Variants in SKI observed in about 807,000 individuals in gnomAD.
The protein encoded by SKI is ski oncogene.
Under a neutral mutation model 59.3 loss-of-function variants are expected in SKI, and 23 were observed. The observed-to-expected ratio is 0.39, with a 90% CI of 0.28 to 0.55. The LOEUF (loss-of-function observed/expected upper bound fraction) is 0.55, where lower values mean the gene tolerates loss of function less well. Ranked by LOEUF, SKI falls within the 20% of genes least tolerant of loss-of-function variation. SKI has a pLI of 0.67. For missense variants in SKI, 1,017 were observed against 1,038.9 expected (o/e 0.98, Z 0.29); for synonymous variants, 673 against 488.6 (o/e 1.38, Z -4.98).
At chr1:2,279,260 G>C (rs565559345) in intron 1 of SKI, among the ~76,000 whole-genome samples, 1 of 152,326 alleles carries the variant, frequency 6.6e-6, no homozygotes, top group East Asian at 1.9e-4. Context: ...CCTGCTAGAC[G>C]CCCTGAGGAG....
chr1:2,302,912 C>T (rs973885746), intron 1 of SKI, 66 bp from the exon 2 acceptor site: 57 of 1,609,134 alleles, frequency 3.5e-5, no homozygotes, highest in East Asian at 2.0e-4. Context: ...GTGCCAGCCA[C>T]GGGGCTGGTG....
Position 2,229,788 on chromosome 1 carries a change from C to T in SKI, c.969+53C>T, listed in dbSNP as rs186753945. On this transcript the variant is annotated intron_variant, in intron 1 of 6. Coordinates refer to ENST00000378536, the MANE Select transcript of SKI (RefSeq NM_003036.4). This position sits in a 1 kb window ranked among gnomAD's most constrained non-coding sequence, Gnocchi z 6.3. The stretch of plus-strand genomic sequence containing the variant: ...GGAGGATGCGCTTGGGGTGGGGGCC[C>T]CTTCTGGACTACAGGCTCTGGTCTC... 2,833 of 1,549,338 alleles carry T rather than the reference C, an allele frequency of 1.8e-3. 43 individuals carry two copies. The African/African-American group carries it at 0.023, about 13-fold the overall frequency.
intron 1 of SKI, among the ~76,000 whole-genome samples, chr1:2,245,562 TC>T (rs1557817030): frequency 2.6e-5 from 4 of 152,174 alleles, no homozygotes; most frequent in East Asian, 1.9e-4. Context: ...AGCCTCCACC[TC>T]CTCCTGGGCT....
intron 1 of SKI, among the ~76,000 whole-genome samples, chr1:2,287,667 G>T (rs1018843802): frequency 1.3e-5 from 2 of 152,174 alleles, no homozygotes; most frequent in East Asian, 1.9e-4. Flanking sequence ...TCTGCCGCAG[G>T]GGGGGTGTGG....
chr1:2,290,742 G>T (rs1422609615), intron 1 of SKI, among the ~76,000 whole-genome samples: 3 of 152,218 alleles, frequency 2.0e-5, no homozygotes, highest in African/African-American at 7.2e-5. Flanking sequence ...GCTAGCGCTT[G>T]GGTGAGGGTT....
At chr1:2,274,949 T>C (rs1289048466) in intron 1 of SKI, among the ~76,000 whole-genome samples, 1 of 152,218 alleles carries the variant, frequency 6.6e-6, no homozygotes, top group Non-Finnish European at 1.5e-5. Context: ...GGGCCTTCGC[T>C]GTCCCTTGCT....
rs1344096411 is a variant in SKI, at chr1:2,306,570, C to T, written c.1999-7C>T. ...CAGGCGCCGCTGACCACTCGGCTCC[C>T]TTTCAGATCGAAGACCTGCAGGTGA... On this transcript the variant is annotated splice_polypyrimidine_tract_variant and splice_region_variant and intron_variant, in intron 6 of 6. Transcript: ENST00000378536. 23 of 1,541,132 alleles carry T rather than the reference C, an allele frequency of 1.5e-5. No homozygotes were observed. Among genetic ancestry groups the T allele is most frequent in the East Asian group, 2.5e-5 (1 of 40,676 alleles).
chr1:2,293,036 G>A (rs1394642100), intron 1 of SKI, among the ~76,000 whole-genome samples: 1 of 152,162 alleles, frequency 6.6e-6, no homozygotes, highest in East Asian at 1.9e-4. Context: ...TTCACTCCTG[G>A]GCAGGGTGCA....
intron 1 of SKI, among the ~76,000 whole-genome samples, chr1:2,294,009 A>G (rs1420923960): frequency 6.6e-6 from 1 of 152,048 alleles, no homozygotes; most frequent in Non-Finnish European, 1.5e-5. Context: ...GAGGCTCCCC[A>G]TGTTTTCTGA....
chr1:2,299,009 G>A (rs1640357860), intron 1 of SKI, among the ~76,000 whole-genome samples: 1 of 152,226 alleles, frequency 6.6e-6, no homozygotes, highest in African/African-American at 2.4e-5. Flanking sequence ...TGGATGCCGG[G>A]TGGTCGTGGA....
At chr1:2,293,994 C>T (rs1640228232) in intron 1 of SKI, among the ~76,000 whole-genome samples, 1 of 152,194 alleles carries the variant, frequency 6.6e-6, no homozygotes, top group Admixed American at 6.5e-5. Context: ...TCATCTGTGG[C>T]CTCGGAGGCT....
In SKI at chr1:2,270,960, G is replaced by T. The variant is rs886512703; in HGVS notation, c.970-32018G>T. Reference sequence around the variant, plus strand: ...CAGGCGCTTTCCCTGTGAATGAGCCGATGGCCGCAAGTGCCTGGCCTCAGG... The same window carrying T: ...CAGGCGCTTTCCCTGTGAATGAGCCTATGGCCGCAAGTGCCTGGCCTCAGG... On this transcript the variant is annotated intron_variant, in intron 1 of 6. Transcript: ENST00000378536. This position sits in a 1 kb window ranked among gnomAD's most constrained non-coding sequence, Gnocchi z 4.1. Among the ~76,000 whole-genome samples the T allele has an allele frequency of 5.9e-5, 9 of 152,236 alleles. No individual in the cohort carries two copies. Among genetic ancestry groups the T allele is most frequent in the Non-Finnish European group, 5.9e-5 (4 of 68,030 alleles).
chr1:2,240,132 A>C (rs1448305373), intron 1 of SKI, among the ~76,000 whole-genome samples: 1 of 152,208 alleles, frequency 6.6e-6, no homozygotes, highest in Admixed American at 6.5e-5. Context: ...GTGTGGCCCC[A>C]AGGGCTGAGG....
At chr1:2,279,463 A>C (rs976623438) in intron 1 of SKI, among the ~76,000 whole-genome samples, 1 of 151,910 alleles carries the variant, frequency 6.6e-6, no homozygotes, top group Non-Finnish European at 1.5e-5. Context: ...GTTCCCGCCC[A>C]TCCCTCTCTG....
Position 2,269,513 on chromosome 1 carries a change from G to A in SKI, c.970-33465G>A, listed in dbSNP as rs1639571149. ...TGAAGCAAAGCCGTTTTGCAGGCTGGGTTCATCCCCGTTCCAGGCCCGCAC... is the reference window on the plus strand; with the variant it reads ...TGAAGCAAAGCCGTTTTGCAGGCTGAGTTCATCCCCGTTCCAGGCCCGCAC... On this transcript the variant is annotated intron_variant, in intron 1 of 6. Transcript: ENST00000378536. This position sits in a 1 kb window ranked among gnomAD's most constrained non-coding sequence, Gnocchi z 4.7. 2.0e-5 allele frequency among the ~76,000 whole-genome samples: 3 copies of A among 152,254 alleles called. No individual in the cohort carries two copies. The highest frequency in any genetic ancestry group is 2.0e-4 in the Admixed American group (3 of 15,288).
chr1:2,256,191 G>C (rs779030378), intron 1 of SKI, among the ~76,000 whole-genome samples: 7 of 149,806 alleles, frequency 4.7e-5, no homozygotes, highest in Non-Finnish European at 7.4e-5. Context: ...TCTGTGTCCT[G>C]ACCTCATTTC....
In SKI at chr1:2,304,106, C is replaced by T. The variant is rs780930093; in HGVS notation, c.1474+4C>T. 19 of 1,612,074 alleles carry T rather than the reference C, an allele frequency of 1.2e-5. No homozygotes were observed. Among genetic ancestry groups the T allele is most frequent in the East Asian group, 6.7e-5 (3 of 44,860 alleles). On this transcript the variant is annotated splice_donor_region_variant and intron_variant, in intron 4 of 6. Transcript: ENST00000378536. ...GAAGTTGAAAGCAGGGAGGAATGTA[C>T]GTGTGAGTCGCTTTCTGTGCCTCCT...
At chr1:2,273,550 C>T (rs951587249) in intron 1 of SKI, among the ~76,000 whole-genome samples, 17 of 152,114 alleles carry the variant, frequency 1.1e-4, no homozygotes, top group Non-Finnish European at 2.4e-4. Context: ...CAGGGACACC[C>T]GTGACCCTGC....
intron 1 of SKI, among the ~76,000 whole-genome samples, chr1:2,249,534 C>T (rs1002644473): frequency 2.0e-5 from 3 of 152,194 alleles, no homozygotes; most frequent in African/African-American, 4.8e-5. Flanking sequence ...GGGCTGAAAC[C>T]GACCCCAGGT....
Sources: allele counts gnomAD v4.1 joint callset (sites outside exome capture counted in the v4.1 genomes callset), GRCh38; gene constraint gnomAD v4.1.1; non-coding constraint Gnocchi (gnomAD v3.1); transcripts MANE v1.5; gene names NCBI Gene and HGNC (gene_info 2026-07-23, HGNC 2026-07-21).